Variants in ARB2A observed in about 807,000 individuals in gnomAD.
ARB2A encodes the protein ARB2 cotranscriptional regulator A.
the ARB2A span, among the ~76,000 whole-genome samples, chr5:93,817,079 TACACACAAAC>T: frequency 1.4e-5 from 2 of 145,994 alleles, no homozygotes; most frequent in African/African-American, 5.3e-5. Context: ...TCCTAAGGAA[TACACACAAAC>T]ACACACACAC....
At chr5:94,074,902 A>T in the ARB2A span, 2 of 570,958 alleles carry the variant, frequency 3.5e-6, no homozygotes, top group Admixed American at 6.6e-5. Context: ...ATGCCATAGT[A>T]CTTATTATTG....
the ARB2A span, among the ~76,000 whole-genome samples, chr5:93,629,906 T>A: frequency 6.6e-6 from 1 of 152,286 alleles, no homozygotes; most frequent in African/African-American, 2.4e-5. Flanking sequence ...AATATAGCTA[T>A]GTTGATAATA....
the ARB2A span, among the ~76,000 whole-genome samples, chr5:93,771,894 G>A: frequency 1.3e-5 from 2 of 152,228 alleles, no homozygotes; most frequent in African/African-American, 2.4e-5. Context: ...GGAAGTCAGT[G>A]TGGTGATTCC....
At chr5:93,944,436 A>T in the ARB2A span, among the ~76,000 whole-genome samples, 44 of 152,174 alleles carry the variant, frequency 2.9e-4, no homozygotes, top group Admixed American at 2.5e-3. Context: ...TCTCGCCAAA[A>T]AAATAAATAA....
the ARB2A span, among the ~76,000 whole-genome samples, chr5:93,630,589 C>T: frequency 6.6e-6 from 1 of 152,024 alleles, no homozygotes; most frequent in Non-Finnish European, 1.5e-5. Flanking sequence ...TCTCATCTGG[C>T]GAAGCGTGGG....
chr5:93,645,301 C>T, the ARB2A span, among the ~76,000 whole-genome samples: 2 of 152,018 alleles, frequency 1.3e-5, no homozygotes, highest in Non-Finnish European at 2.9e-5. Context: ...AGGCCAGGCA[C>T]GGTGGCTCAT....
the ARB2A span, among the ~76,000 whole-genome samples, chr5:93,733,067 T>C: frequency 6.6e-6 from 1 of 152,178 alleles, no homozygotes. Context: ...TCATGTTTAA[T>C]TTTATTTACT....
the ARB2A span, among the ~76,000 whole-genome samples, chr5:93,753,978 C>CA: frequency 6.6e-6 from 1 of 152,150 alleles, no homozygotes; most frequent in Non-Finnish European, 1.5e-5. Flanking sequence ...TCAGGTCAGA[C>CA]AGGAGGGATG....
At chr5:93,738,333 G>A in the ARB2A span, 1 of 152,684 alleles carries the variant, frequency 6.5e-6, no homozygotes, top group Admixed American at 6.5e-5. Context: ...TAGAACTCTT[G>A]TAGATTGCTG....
the ARB2A span, among the ~76,000 whole-genome samples, chr5:93,653,857 A>G: frequency 6.6e-6 from 1 of 152,248 alleles, no homozygotes. Flanking sequence ...AAGAGATTAA[A>G]TGAACTGCCA....
the ARB2A span, among the ~76,000 whole-genome samples, chr5:93,783,943 T>C: frequency 6.6e-6 from 1 of 152,160 alleles, no homozygotes; most frequent in Non-Finnish European, 1.5e-5. Flanking sequence ...CTACTGGATG[T>C]AGTCAGCCAA....
At chr5:93,965,006 T>C in the ARB2A span, among the ~76,000 whole-genome samples, 1 of 152,020 alleles carries the variant, frequency 6.6e-6, no homozygotes, top group Non-Finnish European at 1.5e-5. Context: ...TCAGTAACAC[T>C]GCTTATGCTA....
At chr5:93,722,263 T>C in the ARB2A span, among the ~76,000 whole-genome samples, 2 of 152,170 alleles carry the variant, frequency 1.3e-5, no homozygotes, top group Non-Finnish European at 2.9e-5. Flanking sequence ...CCTTAATGTG[T>C]GTTCAGTGAC....
chr5:94,109,206 T>C, the ARB2A span, among the ~76,000 whole-genome samples: 1 of 152,176 alleles, frequency 6.6e-6, no homozygotes, highest in East Asian at 1.9e-4. Context: ...ATGATTCCAC[T>C]TATATGAGGT....
chr5:94,055,170 C>CATTTCCACAT, the ARB2A span, among the ~76,000 whole-genome samples: 2 of 152,160 alleles, frequency 1.3e-5, no homozygotes, highest in Non-Finnish European at 2.9e-5. Flanking sequence ...CAAATTTACT[C>CATTTCCACAT]ATTTCCAAAC....
chr5:93,920,438 T>A, the ARB2A span, among the ~76,000 whole-genome samples: 1 of 152,092 alleles, frequency 6.6e-6, no homozygotes. Flanking sequence ...GTGGGTCCAC[T>A]TATATGCAGA....
chr5:93,716,956 A>G, the ARB2A span, among the ~76,000 whole-genome samples: 13 of 152,196 alleles, frequency 8.5e-5, no homozygotes, highest in Non-Finnish European at 1.6e-4. Context: ...TGTGCATAGT[A>G]TAATCAGCCA....
chr5:93,900,050 TA>T, the ARB2A span, among the ~76,000 whole-genome samples: 12 of 152,248 alleles, frequency 7.9e-5, no homozygotes, highest in East Asian at 5.8e-4. Flanking sequence ...ACTTAGTGAT[TA>T]AAAAAATCAA....
chr5:94,101,958 AG>A, the ARB2A span, among the ~76,000 whole-genome samples: 1 of 152,066 alleles, frequency 6.6e-6, no homozygotes. Context: ...TTTTAAAAAA[AG>A]GAATAACCAG....
Sources: gnomAD v4.1 joint callset for allele counts (sites outside exome capture counted in the v4.1 genomes callset) on GRCh38, gnomAD v4.1.1 for gene constraint, MANE v1.5 for transcripts, NCBI Gene and HGNC (gene_info 2026-07-23, HGNC 2026-07-21) for gene names.